The following CRY1 variants were observed in gnomAD, a reference collection of about 807,000 sequenced individuals.
The protein encoded by CRY1 is cryptochrome-1.
In CRY1, 45 loss-of-function variants were observed where a neutral mutation model predicts 76.0. The observed-to-expected ratio is 0.59, with a 90% confidence interval of 0.47 to 0.76. The LOEUF is 0.76. Among genes scored for constraint, CRY1 ranks in the 30% least tolerant of loss-of-function variants. CRY1 has a pLI of 0.00. For missense variants in CRY1, 587 were observed against 716.4 expected (o/e 0.82, Z 2.06); for synonymous variants, 248 against 244.0 (o/e 1.02, Z -0.15).
chr12:107,090,797 T>C lies in CRY1; in HGVS notation c.158+2007A>G, dbSNP rs558278263. On this transcript the variant is annotated intron_variant, in intron 1 of 12. Coordinates refer to ENST00000008527, the MANE Select transcript of CRY1 (RefSeq NM_004075.5). ...CTGGATCTCTGTCTTGAGCTCCAGA[T>C]ACATCCAACTGCCTATTTGCTATCT... Among the ~76,000 whole-genome samples the C allele has an allele frequency of 1.7e-4, 26 of 152,334 alleles. No homozygotes were observed. In the South Asian group the frequency reaches 3.5e-3, roughly 21 times the overall value.
chr12:107,079,816 A>G (rs1451401470), intron 1 of CRY1, among the ~76,000 whole-genome samples: 3 of 152,138 alleles, frequency 2.0e-5, no homozygotes, highest in Non-Finnish European at 4.4e-5. Flanking sequence ...AGGATTTGAA[A>G]CCATGCTATG....
chr12:107,067,329 T>C (rs968623548), intron 1 of CRY1, among the ~76,000 whole-genome samples: 2 of 152,160 alleles, frequency 1.3e-5, no homozygotes, highest in Non-Finnish European at 2.9e-5. Context: ...CGACTCTATA[T>C]TGACAAAAGG....
chr12:106,996,848 G>C (rs551510701), intron 10 of CRY1, among the ~76,000 whole-genome samples: 1 of 152,230 alleles, frequency 6.6e-6, no homozygotes, highest in South Asian at 2.1e-4. Flanking sequence ...CTACAGACCA[G>C]ACTTTATAAG....
chr12:107,003,917 C>T (rs1350555767), intron 3 of CRY1, among the ~76,000 whole-genome samples: 1 of 151,474 alleles, frequency 6.6e-6, no homozygotes, highest in East Asian at 1.9e-4. Context: ...AGTGATTCTC[C>T]TCCCTCAGCC....
chr12:107,000,354 CTT>C (rs1008918970), intron 5 of CRY1, among the ~76,000 whole-genome samples: 5 of 147,028 alleles, frequency 3.4e-5, no homozygotes, highest in Non-Finnish European at 7.5e-5. Flanking sequence ...ATCTCTCTCT[CTT>C]TTTTTTTTTT....
In CRY1 at chr12:106,999,980, G is replaced by T. The variant is rs1309301533; in HGVS notation, c.787C>A (p.Arg263=). ...PYLRFGCLSC[R]LFYFKLTDLY... is the part of the protein sequence containing the mutation. ...TCTGTTAGTTTGAAGTAAAACAGTC[G>T]ACATGACAAACAACCAAATCGGAGA... is the stretch of plus-strand genomic sequence containing the variant. The change falls in exon 6 of 13, where the codon CGA becomes AGA. Residue 263 remains arginine (R), a synonymous_variant. Transcript: ENST00000008527. The T allele has an allele frequency of 6.2e-7, 1 of 1,612,230 alleles. No homozygotes were observed.
At chr12:107,029,000 A>G (rs1952647101) in intron 1 of CRY1, among the ~76,000 whole-genome samples, 1 of 152,236 alleles carries the variant, frequency 6.6e-6, no homozygotes, top group Admixed American at 6.5e-5. Flanking sequence ...AATTATGAAT[A>G]AGTTTTTCAC....
At chr12:107,020,311 A>G (rs1952540881) in intron 2 of CRY1, among the ~76,000 whole-genome samples, 1 of 152,212 alleles carries the variant, frequency 6.6e-6, no homozygotes, top group African/African-American at 2.4e-5. Flanking sequence ...TTGCTATTTC[A>G]AAAATTTGAT....
chr12:107,026,123 A>T (rs985666994), intron 1 of CRY1, among the ~76,000 whole-genome samples: 5 of 34,760 alleles, frequency 1.4e-4, no homozygotes, highest in African/African-American at 4.2e-4. Flanking sequence ...TATATATATT[A>T]TATATAATTA....
At chr12:107,028,593 T>C (rs996810673) in intron 1 of CRY1, among the ~76,000 whole-genome samples, 7 of 152,100 alleles carry the variant, frequency 4.6e-5, no homozygotes, top group Non-Finnish European at 8.8e-5. Flanking sequence ...AATTGAAACA[T>C]ATAGGAGAAA....
At chr12:107,090,319 C>G (rs776544857) in intron 1 of CRY1, among the ~76,000 whole-genome samples, 1 of 152,142 alleles carries the variant, frequency 6.6e-6, no homozygotes, top group Non-Finnish European at 1.5e-5. Flanking sequence ...TCTCAAACTC[C>G]GGGCCTCAAG....
At chr12:107,033,217 A>G (rs891518844) in intron 1 of CRY1, among the ~76,000 whole-genome samples, 12 of 152,210 alleles carry the variant, frequency 7.9e-5, no homozygotes, top group Non-Finnish European at 1.3e-4. Flanking sequence ...AAGAGTAAAG[A>G]AAGAACAGGA....
At chr12:107,003,195 GTTAT>G (rs1367913206) in intron 3 of CRY1, among the ~76,000 whole-genome samples, 6 of 152,154 alleles carry the variant, frequency 3.9e-5, no homozygotes, top group African/African-American at 1.4e-4. Context: ...CAAATTTCAA[GTTAT>G]TTAAATTTAA....
In CRY1 at chr12:107,059,278, G is replaced by T. The variant is rs116124430; in HGVS notation, c.158+33526C>A. 6.9e-3 allele frequency among the ~76,000 whole-genome samples: 1,044 copies of T among 152,254 alleles called. 17 individuals carry two copies. The highest frequency in any genetic ancestry group is 0.024 in the African/African-American group (1,001 of 41,552). On this transcript the variant is annotated intron_variant, in intron 1 of 12. Transcript: ENST00000008527. ...ATTTTGTTTATTTTTCTGAAACAGG[G>T]TCTTGTTCTGTTGCCCAGGCTGGAG...
chr12:107,091,359 C>G (rs966732941), intron 1 of CRY1, among the ~76,000 whole-genome samples: 1 of 152,146 alleles, frequency 6.6e-6, no homozygotes, highest in Non-Finnish European at 1.5e-5. Flanking sequence ...CACTACATAT[C>G]CAATCTGCCA....
chr12:107,079,013 A>G (rs953031901), intron 1 of CRY1, among the ~76,000 whole-genome samples: 1 of 152,188 alleles, frequency 6.6e-6, no homozygotes, highest in Non-Finnish European at 1.5e-5. Flanking sequence ...CTCTCTTCTA[A>G]CATTCACTCA....
chr12:107,003,231 T>A (rs1248532986), intron 3 of CRY1, among the ~76,000 whole-genome samples: 1 of 152,216 alleles, frequency 6.6e-6, no homozygotes, highest in Non-Finnish European at 1.5e-5. Flanking sequence ...CTTCTGATCA[T>A]TAATTAACTC....
At chr12:107,032,509 GAC>G (rs71076712) in intron 1 of CRY1, among the ~76,000 whole-genome samples, 106 of 150,832 alleles carry the variant, frequency 7.0e-4, no homozygotes, top group Middle Eastern at 6.9e-3. Flanking sequence ...AACTGTTACA[GAC>G]ACACACACAC....
chr12:107,072,561 C>T (rs1953202848), intron 1 of CRY1, among the ~76,000 whole-genome samples: 1 of 151,982 alleles, frequency 6.6e-6, no homozygotes, highest in African/African-American at 2.4e-5. Flanking sequence ...CTGTTGGGGG[C>T]ATAAAAAGGA....
Sources: gnomAD v4.1 joint callset for allele counts (sites outside exome capture counted in the v4.1 genomes callset) on GRCh38, gnomAD v4.1.1 for gene constraint, MANE v1.5 for transcripts, NCBI Gene and HGNC (gene_info 2026-07-23, HGNC 2026-07-21) for gene names.